CYTH4: variants seen among roughly 807,000 people sequenced by gnomAD.
CYTH4 encodes the protein cytohesin-4.
In CYTH4, 22 loss-of-function variants were observed where a neutral mutation model predicts 57.5. The observed-to-expected ratio is 0.38, with a 90% confidence interval of 0.27 to 0.55. CYTH4 has a LOEUF of 0.55. Ranked by LOEUF, CYTH4 falls within the 20% of genes least tolerant of loss-of-function variation. The pLI is 0.74. For missense variants in CYTH4, 420 were observed against 535.6 expected, an observed-to-expected ratio of 0.78 and a Z score of 2.13; for synonymous variants, 186 against 206.5, an observed-to-expected ratio of 0.90 and a Z score of 0.85.
At chr22:37,290,261 G>A (rs1185729869) in intron 1 of CYTH4, among the ~76,000 whole-genome samples, 1 of 152,086 alleles carries the variant, frequency 6.6e-6, no homozygotes, top group Non-Finnish European at 1.5e-5. Flanking sequence ...ATGTCAACTT[G>A]GATCCTGTGT....
chr22:37,301,053 G>A, intron 7 of CYTH4, 34 bp downstream of exon 7: 1 of 1,580,328 alleles, frequency 6.3e-7, no homozygotes, highest in Non-Finnish European at 8.7e-7. Flanking sequence ...AGGGCTCCGG[G>A]ACCCCTTCAG....
At chr22:37,299,896 C>T (rs945242597) in intron 6 of CYTH4, among the ~76,000 whole-genome samples, 1 of 152,158 alleles carries the variant, frequency 6.6e-6, no homozygotes, top group East Asian at 1.9e-4. Context: ...GAGGCTGAGG[C>T]AGGAGAATCA....
intron 2 of CYTH4, 51 bp downstream of exon 2, chr22:37,292,754 G>C: frequency 6.3e-7 from 1 of 1,575,248 alleles, no homozygotes; most frequent in Non-Finnish European, 8.7e-7. Context: ...ACTCCTGCAC[G>C]CTTGTACGCA....
intron 2 of CYTH4, among the ~76,000 whole-genome samples, chr22:37,293,633 C>T (rs1014655892): frequency 6.6e-6 from 1 of 152,242 alleles, no homozygotes; most frequent in African/African-American, 2.4e-5. Flanking sequence ...CCCTGAGTCT[C>T]AGGACAAGTC....
chr22:37,299,424 G>C (rs1230937959), intron 6 of CYTH4, 118 bp downstream of exon 6: 23 of 925,222 alleles, frequency 2.5e-5, no homozygotes, highest in Non-Finnish European at 3.8e-5. Flanking sequence ...AAGAAGAGGA[G>C]GCAAGGAACA....
intron 4 of CYTH4, among the ~76,000 whole-genome samples, chr22:37,297,072 G>C (rs1185896992): frequency 6.6e-6 from 1 of 152,208 alleles, no homozygotes; most frequent in Non-Finnish European, 1.5e-5. Context: ...CACCACGATG[G>C]AAGCTGTCTG....
At position 37,311,587 on chromosome 22, in the gene CYTH4, A is replaced by C; in HGVS notation, c.957+60A>C. The C allele has an allele frequency of 6.5e-7, 1 of 1,537,972 alleles. No homozygotes were observed. Among genetic ancestry groups the C allele is most frequent in the Non-Finnish European group, 9.0e-7 (1 of 1,113,642 alleles). On this transcript the variant is annotated intron_variant, in intron 11 of 12. Coordinates refer to ENST00000248901, the MANE Select transcript of CYTH4 (RefSeq NM_013385.5). This position sits in a 1 kb window ranked among gnomAD's most constrained non-coding sequence, Gnocchi z 4.4. ...GCCACTGGGAAATTTCCTAAACAGA[A>C]CGTGGGGAGAGGGCCTGAGGCTGGG...
chr22:37,311,449 C>A lies in CYTH4; in HGVS notation c.886-7C>A. ...TGACCCTGACCTTCCTTCCCCTTTC[C>A]CTGTAGGACAAGGAGCCACGGGGAA... On this transcript the variant is annotated splice_polypyrimidine_tract_variant and splice_region_variant and intron_variant, in intron 10 of 12. Transcript: ENST00000248901. The surrounding 1 kb of genome is among the most constrained non-coding windows in gnomAD (Gnocchi z 4.4). 1 of 1,613,892 alleles carries A rather than the reference C, an allele frequency of 6.2e-7. No homozygotes were observed. The highest frequency in any genetic ancestry group is 8.5e-7 in the Non-Finnish European group (1 of 1,179,814).
chr22:37,300,440 T>C lies in CYTH4; in HGVS notation c.435-467T>C, dbSNP rs537703059. Among the ~76,000 whole-genome samples the C allele has an allele frequency of 2.0e-5, 3 of 152,322 alleles. No homozygotes were observed. The South Asian group carries it at 6.2e-4, about 32-fold the overall frequency. ...GTTCTCACCTTCAGAGAACTTAGCT[T>C]GAAGCTGTCGAAACCACCAACTTCC... On this transcript the variant is annotated intron_variant, in intron 6 of 12. Transcript: ENST00000248901.
At position 37,298,333 on chromosome 22, in the gene CYTH4, C is replaced by T. The variant is rs1202879446; in HGVS notation, c.353+651C>T. The T allele has an allele frequency of 3.9e-5, 6 of 154,590 alleles. No individual in the cohort carries two copies. Among genetic ancestry groups the T allele is most frequent in the African/African-American group, 1.5e-4 (6 of 41,288 alleles). The allele number at this position is 154,590 out of a possible 1,614,324, so 9.6% of individuals were successfully genotyped here. A position where few individuals can be genotyped will look rare whatever the true frequency, so the allele number is the denominator to read the frequency against. On this transcript the variant is annotated intron_variant, in intron 5 of 12. Coordinates refer to ENST00000248901, the MANE Select transcript of CYTH4 (RefSeq NM_013385.5). The surrounding 1 kb of genome is among the most constrained non-coding windows in gnomAD (Gnocchi z 4.1). Reference sequence around the variant, plus strand: ...AGTGAGCCAAGATCACGCCATTGCACTCCAGCCTGGGCAACAGATTGAGAA... The same window carrying T: ...AGTGAGCCAAGATCACGCCATTGCATTCCAGCCTGGGCAACAGATTGAGAA...
chr22:37,306,236 T>G (rs1929389255), intron 8 of CYTH4, among the ~76,000 whole-genome samples: 1 of 151,872 alleles, frequency 6.6e-6, no homozygotes, highest in South Asian at 2.1e-4. Context: ...GACAAAGAAC[T>G]CCACTCTCCG....
intron 8 of CYTH4, among the ~76,000 whole-genome samples, 177 bp downstream of exon 8, chr22:37,303,579 C>A (rs908037776): frequency 9.9e-5 from 15 of 152,170 alleles, no homozygotes; most frequent in African/African-American, 3.6e-4. Flanking sequence ...GCGCATTGGT[C>A]CTGAAACCCG....
Position 37,314,543 on chromosome 22 carries a change from G to A in CYTH4, c.*1032G>A. On this transcript the variant is annotated 3_prime_UTR_variant, in exon 13 of 13. Transcript: ENST00000248901. ...CTTGGAGAGAGAGAGTCTTGGCCAT[G>A]GCTTTCCTGCAAGACCACTGACGAG... 1 of 397,484 alleles carries A rather than the reference G, an allele frequency of 2.5e-6. No individual in the cohort carries two copies. Among genetic ancestry groups the A allele is most frequent in the Non-Finnish European group, 4.4e-6 (1 of 225,648 alleles). The allele number at this position is 397,484 out of a possible 1,614,324, so 24.6% of individuals were successfully genotyped here.
At chr22:37,299,114 CAGA>C in intron 5 of CYTH4, 109 bp from the exon 6 acceptor site, 1 of 757,280 alleles carries the variant, frequency 1.3e-6, no homozygotes, top group South Asian at 1.6e-5. Flanking sequence ...AGCTGGACCC[CAGA>C]AGGACAGATG....
chr22:37,297,491 T>G, intron 4 of CYTH4, 73 bp from the exon 5 acceptor site: 1 of 1,354,054 alleles, frequency 7.4e-7, no homozygotes. Context: ...CCATGGAAGC[T>G]CCTTCCTCCC....
rs758278339 is a variant in CYTH4, at chr22:37,311,023, A to C, written c.844A>C (p.Ile282Leu). 9.3e-6 allele frequency: 15 copies of C among 1,614,078 alleles called. No individual in the cohort carries two copies. The highest frequency in any genetic ancestry group is 3.4e-6 in the Non-Finnish European group (4 of 1,180,038). ...GAAGACGTGGAAACGGCGCTGGTTCATCCTGACCGACAACTGCCTCTACTA... is the reference window on the plus strand; with the variant it reads ...GAAGACGTGGAAACGGCGCTGGTTCCTCCTGACCGACAACTGCCTCTACTA... ...RVKTWKRRWF[I>L]LTDNCLYYFE... The change falls in exon 10 of 13, where the codon ATC (isoleucine) becomes CTC (leucine). Residue 282 changes from isoleucine to leucine, a missense_variant. By Grantham distance (5) the Ile-to-Leu change is conservative. Coordinates refer to ENST00000248901, the MANE Select transcript of CYTH4 (RefSeq NM_013385.5). This position sits in a 1 kb window ranked among gnomAD's most constrained non-coding sequence, Gnocchi z 4.4.
chr22:37,289,899 G>T (rs539290460), intron 1 of CYTH4, among the ~76,000 whole-genome samples: 1 of 152,210 alleles, frequency 6.6e-6, no homozygotes, highest in African/African-American at 2.4e-5. Flanking sequence ...GGTATGTGAT[G>T]AGGGCCATTG....
At chr22:37,292,920 A>G in intron 2 of CYTH4, among the ~76,000 whole-genome samples, 1 of 151,510 alleles carries the variant, frequency 6.6e-6, no homozygotes, top group Non-Finnish European at 1.5e-5. Context: ...GGAGGCAGCG[A>G]TCCAATTAGG....
chr22:37,308,980 A>G (rs1180179237), intron 8 of CYTH4, among the ~76,000 whole-genome samples: 1 of 149,954 alleles, frequency 6.7e-6, no homozygotes, highest in African/African-American at 2.4e-5. Context: ...GGGAAGCATG[A>G]CCGGGGTGGC....
Sources: allele counts gnomAD v4.1 joint callset (sites outside exome capture counted in the v4.1 genomes callset), GRCh38; gene constraint gnomAD v4.1.1; non-coding constraint Gnocchi (gnomAD v3.1); transcripts MANE v1.5; gene names NCBI Gene and HGNC (gene_info 2026-07-23, HGNC 2026-07-21).